MPPED2: variants seen among roughly 807,000 people sequenced by gnomAD.
The protein encoded by MPPED2 is metallophosphoesterase domain containing 2.
In MPPED2, 5 loss-of-function variants were observed where a neutral mutation model predicts 33.0. That is an observed-to-expected ratio of 0.15 (90% CI 0.08 to 0.32). The LOEUF (loss-of-function observed/expected upper bound fraction) is 0.32. Ranked by LOEUF, MPPED2 falls within the 10% of genes least tolerant of loss-of-function variation. The probability of loss-of-function intolerance (pLI) is 1.00; values close to 1 mark genes in which losing one functional copy is unlikely to be tolerated. For synonymous variants in MPPED2, 136 were observed against 141.9 expected, an observed-to-expected ratio of 0.96 and a Z score of 0.29; for missense variants, 275 against 372.1, an observed-to-expected ratio of 0.74 and a Z score of 2.15.
intron 4 of MPPED2, among the ~76,000 whole-genome samples, chr11:30,431,892 C>T (rs946609884): frequency 6.6e-6 from 1 of 152,054 alleles, no homozygotes; most frequent in African/African-American, 2.4e-5. Context: ...CACTTTTTTT[C>T]AGCCGGGCAC....
intron 3 of MPPED2, among the ~76,000 whole-genome samples, chr11:30,524,995 A>T (rs1954088100): frequency 6.6e-6 from 1 of 152,178 alleles, no homozygotes; most frequent in Admixed American, 6.5e-5. Flanking sequence ...ATAATCTCCT[A>T]GGTTTTGATA....
At chr11:30,409,549 CTG>C (rs1352818675), downstream of MPPED2, among the ~76,000 whole-genome samples, 4 of 152,226 alleles carry the variant, frequency 2.6e-5, no homozygotes, top group African/African-American at 9.6e-5. Flanking sequence ...TTAGAACATT[CTG>C]TCAATTCTGC....
chr11:30,529,886 C>T (rs1221932505), intron 3 of MPPED2, among the ~76,000 whole-genome samples: 5 of 152,192 alleles, frequency 3.3e-5, no homozygotes, highest in African/African-American at 4.8e-5. Flanking sequence ...GAATGACCCT[C>T]TTCTTGAGAT....
downstream of MPPED2, among the ~76,000 whole-genome samples, chr11:30,408,320 CT>C (rs1013271338): frequency 7.2e-5 from 11 of 152,016 alleles, no homozygotes; most frequent in Non-Finnish European, 1.6e-4. Flanking sequence ...GCCAGTCTCT[CT>C]TTTTTTTCTG....
intron 2 of MPPED2, among the ~76,000 whole-genome samples, chr11:30,539,366 AC>A (rs1954978587): frequency 3.3e-5 from 5 of 152,162 alleles, no homozygotes; most frequent in Admixed American, 2.6e-4. Flanking sequence ...TGAGTATCTT[AC>A]CAAGGCAATC....
At chr11:30,516,117 A>C (rs1217419989) in intron 3 of MPPED2, among the ~76,000 whole-genome samples, 1 of 152,200 alleles carries the variant, frequency 6.6e-6, no homozygotes. Context: ...ATATAGCATG[A>C]GGATCCTTCT....
At chr11:30,490,385 G>T (rs1240269816) in intron 4 of MPPED2, among the ~76,000 whole-genome samples, 1 of 152,222 alleles carries the variant, frequency 6.6e-6, no homozygotes, top group Non-Finnish European at 1.5e-5. Flanking sequence ...TGGCTGAACT[G>T]TTAAAAAGAT....
intron 6 of MPPED2, among the ~76,000 whole-genome samples, chr11:30,390,855 C>A (rs920665557): frequency 6.6e-6 from 1 of 152,158 alleles, no homozygotes; most frequent in African/African-American, 2.4e-5. Flanking sequence ...TCCCTTCCTT[C>A]CATGGGGCCT....
chr11:30,542,284 T>C (rs1955163743), intron 2 of MPPED2, among the ~76,000 whole-genome samples: 1 of 152,112 alleles, frequency 6.6e-6, no homozygotes, highest in Non-Finnish European at 1.5e-5. Context: ...CAGTCAGATA[T>C]GATGGTTTTA....
Position 30,410,335 on chromosome 11 carries a change from A to G in MPPED2, c.*1133T>C. On this transcript the variant is annotated 3_prime_UTR_variant, in exon 7 of 7. Transcript: ENST00000358117. ...AATTTCATTAACAAAGTAACATAAA[A>G]TAGAATAAAGCTCAACAGCATTTAC... The G allele has an allele frequency of 1.0e-6, 1 of 985,726 alleles. No homozygotes were observed. Among genetic ancestry groups the G allele is most frequent in the Middle Eastern group, 5.2e-4 (1 of 1,914 alleles). The allele number at this position is 985,726 out of a possible 1,614,324, so 61.1% of individuals were successfully genotyped here.
intron 3 of MPPED2, among the ~76,000 whole-genome samples, chr11:30,497,274 G>A (rs1164923853): frequency 6.6e-6 from 1 of 152,120 alleles, no homozygotes; most frequent in East Asian, 1.9e-4. Flanking sequence ...TATATCAATA[G>A]GGCCACAAAT....
chr11:30,451,378 T>C (rs1036688185), intron 4 of MPPED2, among the ~76,000 whole-genome samples: 3 of 152,212 alleles, frequency 2.0e-5, no homozygotes, highest in African/African-American at 7.2e-5. Flanking sequence ...CAATTCCCAC[T>C]GCTAACCTGG....
At chr11:30,410,200 A>G, downstream of MPPED2, 1 of 985,846 alleles carries the variant, frequency 1.0e-6, no homozygotes, top group Non-Finnish European at 1.2e-6. Context: ...ATCCTCCACC[A>G]TCCAACCCTC....
chr11:30,452,075 T>C, intron 4 of MPPED2: 4 of 985,466 alleles, frequency 4.1e-6, no homozygotes, highest in Non-Finnish European at 4.8e-6. Flanking sequence ...TCAGCTTCAC[T>C]TGTGGTCACT....
chr11:30,557,609 A>G (rs1437553082), intron 2 of MPPED2, among the ~76,000 whole-genome samples: 1 of 152,330 alleles, frequency 6.6e-6, no homozygotes, highest in Admixed American at 6.5e-5. Flanking sequence ...GCTACTGGCT[A>G]AATAACCAAT....
intron 2 of MPPED2, among the ~76,000 whole-genome samples, chr11:30,545,864 C>T (rs476159): frequency 0.59 from 88,668 of 151,062 alleles, 26,330 homozygotes; most frequent in African/African-American, 0.68. Flanking sequence ...GACTGATATA[C>T]ATATATATAT....
chr11:30,451,773 A>G (rs1355070617), intron 4 of MPPED2: 5 of 985,128 alleles, frequency 5.1e-6, no homozygotes, highest in African/African-American at 1.7e-5. Context: ...GAGGGGTGGG[A>G]GGGGACATTT....
At chr11:30,478,481 C>G (rs1951323252) in intron 4 of MPPED2, among the ~76,000 whole-genome samples, 1 of 151,946 alleles carries the variant, frequency 6.6e-6, no homozygotes, top group African/African-American at 2.4e-5. Flanking sequence ...TAATCAGGCT[C>G]TCTGTGGGTT....
At chr11:30,482,490 T>C (rs1951532174) in intron 4 of MPPED2, among the ~76,000 whole-genome samples, 1 of 152,162 alleles carries the variant, frequency 6.6e-6, no homozygotes, top group South Asian at 2.1e-4. Context: ...TTGGGAAACA[T>C]AATTTTTAAG....
Sources: allele counts gnomAD v4.1 joint callset (sites outside exome capture counted in the v4.1 genomes callset), GRCh38; gene constraint gnomAD v4.1.1; transcripts MANE v1.5; gene names NCBI Gene and HGNC (gene_info 2026-07-23, HGNC 2026-07-21).